The following MICALL1 variants were observed in gnomAD, a reference collection of about 807,000 sequenced individuals.
MICALL1 encodes the protein MICAL-like protein 1.
A neutral mutation model predicts 83.7 loss-of-function variants in MICALL1; 61 were observed. The observed-to-expected ratio is 0.73, with a 90% CI of 0.59 to 0.90. The LOEUF (loss-of-function observed/expected upper bound fraction) is 0.90, where lower values mean the gene tolerates loss of function less well. MICALL1 is among the 40% of genes least tolerant of loss of function. The pLI is 0.00. For synonymous variants in MICALL1, 481 were observed against 473.6 expected, an observed-to-expected ratio of 1.02 and a Z score of -0.20; for missense variants, 1,066 against 1,152.0, an observed-to-expected ratio of 0.93 and a Z score of 1.08.
rs1285306465 is a variant in MICALL1, at chr22:37,937,215, G to T, written c.2423+21G>T. ...CAGAGGTGACATGGCCAGGGGTGGGGGGTCCTGGGGGCAGGGCCAGAGCAG... is the reference window on the plus strand; with the variant it reads ...CAGAGGTGACATGGCCAGGGGTGGGTGGTCCTGGGGGCAGGGCCAGAGCAG... On this transcript the variant is annotated intron_variant, in intron 14 of 15. Coordinates refer to ENST00000215957, the MANE Select transcript of MICALL1 (RefSeq NM_033386.4). The T allele has an allele frequency of 2.6e-6, 4 of 1,537,656 alleles. No homozygotes were observed. The African/African-American group carries it at 4.1e-5, about 16-fold the overall frequency.
Position 37,932,544 on chromosome 22 carries a change from G to C in MICALL1, c.2017-9G>C. On this transcript the variant is annotated splice_polypyrimidine_tract_variant and intron_variant, in intron 10 of 15. Transcript: ENST00000215957. This position sits in a 1 kb window ranked among gnomAD's most constrained non-coding sequence, Gnocchi z 4.4. ...GCAGGCCGTCAGGTGACCAGGCACT[G>C]TTGGGCAGGTCCAGGCTGACCAGTA... 1.2e-6 allele frequency: 2 copies of C among 1,613,906 alleles called. No individual in the cohort carries two copies. Among genetic ancestry groups the C allele is most frequent in the East Asian group, 2.2e-5 (1 of 44,878 alleles).
intron 6 of MICALL1, among the ~76,000 whole-genome samples, chr22:37,922,999 G>A (rs1369855150): frequency 2.0e-5 from 3 of 150,562 alleles, no homozygotes; most frequent in African/African-American, 7.3e-5. Flanking sequence ...GCAGTGGTGC[G>A]ATCTCGGCTC....
chr22:37,910,489 G>A (rs144040515), intron 1 of MICALL1, among the ~76,000 whole-genome samples: 2 of 152,136 alleles, frequency 1.3e-5, no homozygotes, highest in Non-Finnish European at 2.9e-5. Context: ...CAGAGGTTTC[G>A]AGAGGTGAAA....
chr22:37,912,118 G>A (rs1464692901), intron 2 of MICALL1, 118 bp downstream of exon 2: 34 of 1,275,532 alleles, frequency 2.7e-5, no homozygotes, highest in Non-Finnish European at 3.7e-5. Flanking sequence ...CACCGGCCCT[G>A]GCTGCACCTT....
chr22:37,913,367 C>T (rs1476366377), intron 3 of MICALL1, among the ~76,000 whole-genome samples: 1 of 152,210 alleles, frequency 6.6e-6, no homozygotes, highest in Non-Finnish European at 1.5e-5. Flanking sequence ...ACCAAACACA[C>T]CCACCAGAAA....
intron 4 of MICALL1, 117 bp from the exon 5 acceptor site, chr22:37,918,919 A>G: frequency 7.9e-7 from 1 of 1,258,800 alleles, no homozygotes; most frequent in Non-Finnish European, 1.1e-6. Context: ...TCCACCACGA[A>G]GCCTGGTGCA....
At chr22:37,937,299 CGCCTCAGGCCAG>C (rs1930184876) in intron 14 of MICALL1, 105 bp downstream of exon 14, 1 of 951,468 alleles carries the variant, frequency 1.1e-6, no homozygotes, top group Non-Finnish European at 1.6e-6. Context: ...ACACAGTCCA[CGCCTCAGGCCAG>C]GCCAGCCCTG....
At chr22:37,914,993 C>T (rs993605452) in intron 3 of MICALL1, among the ~76,000 whole-genome samples, 9 of 151,114 alleles carry the variant, frequency 6.0e-5, no homozygotes, top group African/African-American at 1.2e-4. Context: ...TGAAGTGGCT[C>T]ATGCCTGTAA....
At chr22:37,912,807 AC>A (rs1156284539) in intron 3 of MICALL1, among the ~76,000 whole-genome samples, 2 of 150,928 alleles carry the variant, frequency 1.3e-5, no homozygotes, top group African/African-American at 4.9e-5. Context: ...GATTACAGGC[AC>A]CCGGCACCAC....
chr22:37,919,411 G>A (rs1264162976), intron 5 of MICALL1, among the ~76,000 whole-genome samples: 2 of 152,198 alleles, frequency 1.3e-5, no homozygotes, highest in Non-Finnish European at 2.9e-5. Flanking sequence ...CAGCGCCTAC[G>A]CTTTTTGAGG....
rs1458088805 is a variant in MICALL1 at position 37,927,655 on chromosome 22, A to G, written c.1710A>G (p.Arg570=). ...LASSGELVEP[R]VEQMPQASPG... is the part of the protein sequence containing the mutation. ...CCTCTGGGGAACTAGTGGAGCCTAGAGTGGAACAAATGCCTCAAGCCAGCC... is the reference window on the plus strand; with the variant it reads ...CCTCTGGGGAACTAGTGGAGCCTAGGGTGGAACAAATGCCTCAAGCCAGCC... Residue 570 remains arginine, a synonymous_variant, in exon 9 of 16, where the codon AGA becomes AGG. Coordinates refer to ENST00000215957, the MANE Select transcript of MICALL1 (RefSeq NM_033386.4). 1.9e-6 allele frequency: 3 copies of G among 1,614,032 alleles called. No individual in the cohort carries two copies. The African/African-American group carries it at 4.0e-5, about 22-fold the overall frequency.
At chr22:37,934,058 C>T (rs1929947062) in intron 13 of MICALL1, among the ~76,000 whole-genome samples, 1 of 152,228 alleles carries the variant, frequency 6.6e-6, no homozygotes, top group African/African-American at 2.4e-5. Flanking sequence ...GAGGCTGGGG[C>T]GTGGCCACCA....
At chr22:37,926,951 T>C (rs1929482300) in intron 8 of MICALL1, 1 of 171,646 alleles carries the variant, frequency 5.8e-6, no homozygotes, top group African/African-American at 2.4e-5. Context: ...ATCTGGAAAA[T>C]GCAGATAATG....
intron 15 of MICALL1, 27 bp downstream of exon 15, chr22:37,937,819 G>A: frequency 6.2e-7 from 1 of 1,612,734 alleles, no homozygotes; most frequent in East Asian, 2.2e-5. Context: ...GGATGAGGCT[G>A]GTGAGCACTT....
chr22:37,937,941 T>C, intron 15 of MICALL1, 149 bp downstream of exon 15: 1 of 967,536 alleles, frequency 1.0e-6, no homozygotes, highest in Non-Finnish European at 1.6e-6. Context: ...CAGAGAGGGC[T>C]GTGTGTAGCA....
chr22:37,920,144 A>G (rs1457583640), intron 5 of MICALL1, among the ~76,000 whole-genome samples: 2 of 152,084 alleles, frequency 1.3e-5, no homozygotes, highest in Non-Finnish European at 2.9e-5. Flanking sequence ...AAAAAATTAC[A>G]GTAACAACTT....
At chr22:37,934,916 T>TTTATTTATTTATTTATTTTAA in intron 13 of MICALL1, among the ~76,000 whole-genome samples, 1 of 147,698 alleles carries the variant, frequency 6.8e-6, no homozygotes, top group African/African-American at 2.5e-5. Context: ...ATTTATTTTA[T>TTTATTTATTTATTTATTTTAA]TTTATTTATT....
chr22:37,908,746 G>A (rs1198486885), intron 1 of MICALL1, among the ~76,000 whole-genome samples: 1 of 152,238 alleles, frequency 6.6e-6, no homozygotes, highest in African/African-American at 2.4e-5. Context: ...GGGGAAACGT[G>A]TATAAACGAT....
intron 6 of MICALL1, 32 bp downstream of exon 6, chr22:37,922,458 C>T (rs144876030): frequency 0.041 from 59,612 of 1,452,654 alleles, 1,379 homozygotes; most frequent in Middle Eastern, 0.049. Flanking sequence ...CAGGGGGCAC[C>T]GGGTGGCAGT....
Sources: allele counts gnomAD v4.1 joint callset (sites outside exome capture counted in the v4.1 genomes callset), GRCh38; gene constraint gnomAD v4.1.1; non-coding constraint Gnocchi (gnomAD v3.1); transcripts MANE v1.5; gene names NCBI Gene and HGNC (gene_info 2026-07-23, HGNC 2026-07-21).